Variants in MCC observed in about 807,000 individuals in gnomAD.
MCC encodes MCC regulator of Wnt signaling pathway, also known as colorectal mutant cancer protein.
MCC carries 90 observed loss-of-function variants against 116.2 expected under a neutral mutation model. The ratio of observed to expected loss-of-function variants is 0.77; its 90% CI spans 0.65 to 0.92. MCC has a LOEUF of 0.92. Ranked by LOEUF, MCC falls within the 40% of genes least tolerant of loss-of-function variation. MCC has a pLI of 0.00. For synonymous variants in MCC, 578 were observed against 510.5 expected (o/e 1.13, Z -1.78); for missense variants, 1,516 against 1,312.2 (o/e 1.16, Z -2.40).
intron 3 of MCC, among the ~76,000 whole-genome samples, chr5:113,166,659 ACT>A (rs1760784370): frequency 6.7e-6 from 1 of 149,538 alleles, no homozygotes; most frequent in Non-Finnish European, 1.5e-5. Context: ...AGATCCCAAG[ACT>A]CTGTGAGTCT....
intron 3 of MCC, among the ~76,000 whole-genome samples, chr5:113,216,799 G>A (rs572639754): frequency 3.2e-4 from 48 of 152,198 alleles, no homozygotes; most frequent in Non-Finnish European, 6.6e-4. Context: ...GATAAGGGTT[G>A]AAAGTCTGAC....
intron 3 of MCC, among the ~76,000 whole-genome samples, chr5:113,169,241 G>A (rs1760940080): frequency 6.6e-6 from 1 of 152,154 alleles, no homozygotes; most frequent in Admixed American, 6.5e-5. Context: ...TGGATAGGCT[G>A]TATACATGGA....
chr5:113,110,729 A>G (rs1364686346), intron 6 of MCC, among the ~76,000 whole-genome samples: 21 of 152,220 alleles, frequency 1.4e-4, no homozygotes, highest in Admixed American at 1.4e-3. Flanking sequence ...TGGCCAGCAG[A>G]TGCAAACCAG....
intron 2 of MCC, among the ~76,000 whole-genome samples, chr5:113,376,672 C>T (rs1402950953): frequency 1.2e-5 from 1 of 84,708 alleles, no homozygotes; most frequent in Non-Finnish European, 2.1e-5. Context: ...AAAAAGAAAA[C>T]TTCCATTAAA....
chr5:113,273,315 C>T (rs1380276752), intron 3 of MCC, among the ~76,000 whole-genome samples: 1 of 152,148 alleles, frequency 6.6e-6, no homozygotes, highest in East Asian at 1.9e-4. Flanking sequence ...TTCCCACTTG[C>T]TCAGGGTTTT....
intron 3 of MCC, among the ~76,000 whole-genome samples, chr5:113,283,617 CA>C (rs1388924485): frequency 6.6e-6 from 1 of 152,186 alleles, no homozygotes; most frequent in Non-Finnish European, 1.5e-5. Context: ...CAACATACAG[CA>C]GCTAGCAAAC....
At chr5:113,029,816 A>G (rs956429784) in intron 17 of MCC, among the ~76,000 whole-genome samples, 7 of 152,204 alleles carry the variant, frequency 4.6e-5, no homozygotes, top group African/African-American at 1.7e-4. Flanking sequence ...AGATCCTTCT[A>G]TCACATGCAC....
chr5:113,367,625 A>AGG (rs1768729317), intron 2 of MCC, among the ~76,000 whole-genome samples: 1 of 37,668 alleles, frequency 2.7e-5, no homozygotes, highest in Non-Finnish European at 4.7e-5. Context: ...AGGAAGGCAG[A>AGG]GGGTGGGGGG....
chr5:113,260,858 C>G (rs955233671), intron 3 of MCC, among the ~76,000 whole-genome samples: 12 of 151,934 alleles, frequency 7.9e-5, no homozygotes, highest in African/African-American at 2.7e-4. Flanking sequence ...ATGAGTTTTC[C>G]AAAATTTCAG....
At position 113,028,944 on chromosome 5, in the gene MCC, G is replaced by A. The variant is rs145982424; in HGVS notation, c.2869C>T (p.Arg957Trp). ...TAGGGAGATTTTTACCTGTTGGCCC[G>A]CTTTAGATCATTCACGAACTCTGCA... ...QSAEFVNDLKRANSNLVAAYE... is the reference protein window; with the variant it reads ...QSAEFVNDLKWANSNLVAAYE... Residue 957 changes from arginine to tryptophan, a missense_variant, in exon 18 of 19, where the codon CGG becomes TGG. Physicochemically the swap from Arg to Trp is moderately radical, Grantham distance 101. Coordinates refer to ENST00000408903, the MANE Select transcript of MCC (RefSeq NM_001085377.2). 3.3e-5 allele frequency: 53 copies of A among 1,613,456 alleles called. No individual in the cohort carries two copies. The highest frequency in any genetic ancestry group is 4.1e-5 in the Non-Finnish European group (48 of 1,179,706).
At chr5:113,197,153 C>CG (rs1318526433) in intron 3 of MCC, among the ~76,000 whole-genome samples, 1 of 152,122 alleles carries the variant, frequency 6.6e-6, no homozygotes, top group Non-Finnish European at 1.5e-5. Context: ...TCCACTGTCA[C>CG]GGGCTTCTTT....
At chr5:113,135,104 T>A (rs1289881998) in intron 5 of MCC, among the ~76,000 whole-genome samples, 2 of 151,500 alleles carry the variant, frequency 1.3e-5, no homozygotes, top group African/African-American at 2.4e-5. Flanking sequence ...CACACCTGGC[T>A]AATTTTTGTA....
chr5:113,412,956 G>A (rs578215137), intron 1 of MCC, among the ~76,000 whole-genome samples: 268 of 152,220 alleles, frequency 1.8e-3, no homozygotes, highest in African/African-American at 5.8e-3. Context: ...TCAATACCTA[G>A]CTTATTGAGA....
chr5:113,339,438 T>TGTGTGCGCGC (rs145838279), intron 3 of MCC, among the ~76,000 whole-genome samples: 1,604 of 149,626 alleles, frequency 0.011, 3 homozygotes, highest in Middle Eastern at 0.031. Context: ...TGTGTGTGTG[T>TGTGTGCGCGC]GCGTGCATGT....
At chr5:113,202,724 G>A (rs546331299) in intron 3 of MCC, among the ~76,000 whole-genome samples, 1 of 149,566 alleles carries the variant, frequency 6.7e-6, no homozygotes, top group East Asian at 2.0e-4. Context: ...CCATTCCCCA[G>A]CTCCCCCATA....
intron 12 of MCC, among the ~76,000 whole-genome samples, chr5:113,070,674 A>G (rs1753975849): frequency 6.6e-6 from 1 of 152,240 alleles, no homozygotes; most frequent in African/African-American, 2.4e-5. Flanking sequence ...AATTAACAAT[A>G]TAAAAACTTG....
chr5:113,463,045 G>C (rs1261800900), intron 1 of MCC, among the ~76,000 whole-genome samples: 1 of 152,186 alleles, frequency 6.6e-6, no homozygotes, highest in Non-Finnish European at 1.5e-5. Context: ...GGCTGAAAAA[G>C]TGTCCCCTGA....
chr5:113,402,633 T>G (rs1358759880), intron 1 of MCC, among the ~76,000 whole-genome samples: 3 of 152,192 alleles, frequency 2.0e-5, no homozygotes, highest in Non-Finnish European at 4.4e-5. Context: ...AAATGCAAAT[T>G]GTTTTCATGT....
At chr5:113,342,629 C>T (rs554954639) in intron 2 of MCC, among the ~76,000 whole-genome samples, 20 of 152,158 alleles carry the variant, frequency 1.3e-4, no homozygotes, top group Non-Finnish European at 2.6e-4. Context: ...AGGAGAAAGC[C>T]TGATGCTTGA....
Sources: allele counts gnomAD v4.1 joint callset (sites outside exome capture counted in the v4.1 genomes callset), GRCh38; gene constraint gnomAD v4.1.1; transcripts MANE v1.5; gene names NCBI Gene and HGNC (gene_info 2026-07-23, HGNC 2026-07-21).